IL2RB: variants seen among roughly 807,000 people sequenced by gnomAD.
IL2RB encodes the protein interleukin 2 receptor subunit beta.
IL2RB carries 17 observed loss-of-function variants against 44.2 expected under a neutral mutation model. The ratio of observed to expected loss-of-function variants is 0.38; its 90% CI spans 0.26 to 0.58. The LOEUF is 0.58. Among genes scored for constraint, IL2RB ranks in the 20% least tolerant of loss-of-function variants. The probability of loss-of-function intolerance (pLI) is 0.63; values close to 1 mark genes in which losing one functional copy is unlikely to be tolerated. For synonymous variants in IL2RB, 286 were observed against 297.9 expected (o/e 0.96, Z 0.41); for missense variants, 624 against 685.5 (o/e 0.91, Z 1.00).
upstream of IL2RB, among the ~76,000 whole-genome samples, chr22:37,154,886 CTT>C (rs1022324530): frequency 5.3e-5 from 8 of 152,108 alleles, no homozygotes; most frequent in Admixed American, 5.2e-4. Context: ...CCCTCTATCT[CTT>C]TCTCTCTCTC....
Position 37,145,335 on chromosome 22 carries a change from GAAATCTCTA to G in IL2RB, c.-33-1139_-33-1131del, listed in dbSNP as rs1358849823. Among the ~76,000 whole-genome samples the G allele has an allele frequency of 2.6e-5, 4 of 152,096 alleles. No homozygotes were observed. The East Asian group carries it at 7.7e-4, about 29-fold the overall frequency. On this transcript the variant is annotated intron_variant, in intron 1 of 9. Transcript: ENST00000216223. ...TATACCCCAGGGAGGAAAGAGACAT[GAAATCTCTA>G]AGCCAGCCCTGTCAGAGGGAGGCTC...
intron 2 of IL2RB, 89 bp from the exon 3 acceptor site, chr22:37,143,724 ACCTG>A: frequency 1.1e-6 from 1 of 913,036 alleles, no homozygotes; most frequent in South Asian, 1.4e-5. Context: ...TGGCACCCAC[ACCTG>A]CCAGAGGAGG....
At chr22:37,149,169 A>G (rs575554811) in intron 1 of IL2RB, among the ~76,000 whole-genome samples, 62 of 152,238 alleles carry the variant, frequency 4.1e-4, no homozygotes, top group Middle Eastern at 3.4e-3. Flanking sequence ...CATGAGCTCC[A>G]GGCAGCCCCA....
chr22:37,159,284 T>C (rs983829283), intron 1 of IL2RB, among the ~76,000 whole-genome samples: 1 of 152,146 alleles, frequency 6.6e-6, no homozygotes, highest in Non-Finnish European at 1.5e-5. Context: ...AATTAAAATG[T>C]CCCTCTAAGA....
chr22:37,162,183 G>A (rs996828496), intron 1 of IL2RB, among the ~76,000 whole-genome samples: 5 of 152,210 alleles, frequency 3.3e-5, no homozygotes, highest in Non-Finnish European at 5.9e-5. Flanking sequence ...GGGTGATGGC[G>A]ATCGAGTGAG....
chr22:37,133,981 A>C (rs1921561485), intron 8 of IL2RB, among the ~76,000 whole-genome samples: 1 of 151,910 alleles, frequency 6.6e-6, no homozygotes, highest in African/African-American at 2.4e-5. Flanking sequence ...TACAGATTTC[A>C]ACAGAATCAT....
chr22:37,150,696 T>A (rs1922453539), upstream of IL2RB, among the ~76,000 whole-genome samples: 2 of 152,294 alleles, frequency 1.3e-5, no homozygotes, highest in South Asian at 4.1e-4. Flanking sequence ...TAATTCTGTT[T>A]TCGTACCCAA....
intron 2 of IL2RB, 75 bp from the exon 3 acceptor site, chr22:37,143,710 C>A: frequency 9.8e-7 from 1 of 1,025,566 alleles, no homozygotes; most frequent in Non-Finnish European, 1.5e-6. Context: ...ACTGCCCCTG[C>A]ACCTGGCACC....
chr22:37,129,503 A>C (rs1387084183), intron 9 of IL2RB, among the ~76,000 whole-genome samples: 1 of 128,238 alleles, frequency 7.8e-6, no homozygotes. Flanking sequence ...AGTGCCCATC[A>C]GAGCACTTCT....
Position 37,158,425 on chromosome 22 carries a change from T to G in IL2RB, c.-33-14220A>C, listed in dbSNP as rs369789293. Among the ~76,000 whole-genome samples the G allele has an allele frequency of 4.9e-4, 75 of 152,090 alleles. 1 individual carries two copies. Among genetic ancestry groups the G allele is most frequent in the Middle Eastern group, 6.8e-3 (2 of 294 alleles). On this transcript the variant is annotated intron_variant, in intron 1 of 5. Transcript: ENST00000429622. ...AAAAAAAATTAGCCGGGCGTGGTGG[T>G]GGGCACCCCGTAGTCCCAGCTATTC...
chr22:37,169,199 T>G (rs1439484211), intron 1 of IL2RB, among the ~76,000 whole-genome samples: 2 of 151,108 alleles, frequency 1.3e-5, no homozygotes, highest in Non-Finnish European at 2.9e-5. Context: ...ACAGAGGGGT[T>G]CTGTTTACAG....
At chr22:37,149,931 C>A (rs1922406397), upstream of IL2RB, 49 of 985,098 alleles carry the variant, frequency 5.0e-5, no homozygotes, top group Non-Finnish European at 5.8e-5. Flanking sequence ...GCTGGGGCCG[C>A]AAAGACTAAA....
Position 37,128,257 on chromosome 22 carries a change from C to T in IL2RB, c.1495G>A (p.Glu499Lys), listed in dbSNP as rs764168940. The change falls in exon 10 of 10, where the codon GAG (glutamate) becomes AAG (lysine). Residue 499 changes from glutamate to lysine, a missense_variant. Physicochemically the swap from Glu to Lys is moderately conservative, Grantham distance 56 (BLOSUM62 1). Transcript: ENST00000216223. This position sits in a 1 kb window ranked among gnomAD's most constrained non-coding sequence, Gnocchi z 4.5. The part of the protein sequence containing the change: ...PELVLREAGE[E>K]VPDAGPREGV... ...TCCCTGGGGCCAGCGTCAGGGACCT[C>T]CTCCCCAGCCTCTCGCAGCACCAGC... The T allele has an allele frequency of 4.9e-5, 74 of 1,497,342 alleles. No individual in the cohort carries two copies. Among genetic ancestry groups the T allele is most frequent in the Non-Finnish European group, 6.1e-5 (69 of 1,124,422 alleles). The allele number at this position is 1,497,342 out of a possible 1,614,324, so 92.8% of individuals were successfully genotyped here. A position where few individuals can be genotyped will look rare whatever the true frequency, so the allele number is the denominator to read the frequency against.
chr22:37,139,991 C>T (rs1921886334), intron 4 of IL2RB, among the ~76,000 whole-genome samples: 1 of 152,202 alleles, frequency 6.6e-6, no homozygotes, highest in Non-Finnish European at 1.5e-5. Flanking sequence ...AGAGGGCTGC[C>T]GAGTGAGCAG....
intron 1 of IL2RB, among the ~76,000 whole-genome samples, chr22:37,166,456 C>G (rs1004425390): frequency 1.3e-5 from 2 of 152,238 alleles, no homozygotes; most frequent in African/African-American, 4.8e-5. Context: ...CACCAGAGTT[C>G]TGTGCCACCC....
chr22:37,154,041 C>A (rs1922586245), upstream of IL2RB, among the ~76,000 whole-genome samples: 1 of 152,202 alleles, frequency 6.6e-6, no homozygotes, highest in East Asian at 1.9e-4. Context: ...AAGACCAGGT[C>A]AGACACAGGA....
At position 37,128,954 on chromosome 22, in the gene IL2RB, TG is replaced by T; in HGVS notation, c.904-107del. 3 of 1,337,622 alleles carry T rather than the reference TG, an allele frequency of 2.2e-6. No individual in the cohort carries two copies. Among genetic ancestry groups the T allele is most frequent in the African/African-American group, 1.5e-5 (1 of 68,312 alleles). 82.9% of individuals were successfully genotyped at this position (1,337,622 alleles called of 1,614,324 possible). On this transcript the variant is annotated intron_variant, in intron 9 of 9. Transcript: ENST00000216223. The surrounding 1 kb of genome is among the most constrained non-coding windows in gnomAD (Gnocchi z 4.5). ...TAACTCCTCCTCCTCCTGAAGCAGT[TG>T]GCCCAGGGCTGCCCCATCCAGGAAG... is the stretch of plus-strand genomic sequence containing the variant.
chr22:37,130,424 C>T (rs751213674), intron 9 of IL2RB, among the ~76,000 whole-genome samples: 15 of 152,196 alleles, frequency 9.9e-5, no homozygotes, highest in South Asian at 2.1e-4. Flanking sequence ...CTCCCACACT[C>T]GCACACACGT....
At chr22:37,160,659 T>A (rs577736973) in intron 1 of IL2RB, among the ~76,000 whole-genome samples, 1 of 144,034 alleles carries the variant, frequency 6.9e-6, no homozygotes, top group South Asian at 2.2e-4. Flanking sequence ...CTGGCCAACA[T>A]GCCGAAACCC....
Sources: allele counts gnomAD v4.1 joint callset (sites outside exome capture counted in the v4.1 genomes callset), GRCh38; gene constraint gnomAD v4.1.1; non-coding constraint Gnocchi (gnomAD v3.1); transcripts MANE v1.5; gene names NCBI Gene and HGNC (gene_info 2026-07-23, HGNC 2026-07-21).